The following ZNF808 variants were observed in gnomAD, a reference collection of about 807,000 sequenced individuals.
ZNF808 encodes zinc finger protein 808.
A neutral mutation model predicts 8.7 loss-of-function variants in ZNF808; 5 were observed. The observed-to-expected ratio is 0.58, with a 90% CI of 0.30 to 1.21. The LOEUF is 1.21. ZNF808 is among the 50% of genes most tolerant of loss of function. ZNF808 has a pLI of 0.07. For synonymous variants in ZNF808, 380 were observed against 366.0 expected, an observed-to-expected ratio of 1.04 and a Z score of -0.44; for missense variants, 1,103 against 1,098.4, an observed-to-expected ratio of 1.00 and a Z score of -0.06.
At chr19:52,536,027 T>G (rs1179755964) in intron 2 of ZNF808, 1 of 165,150 alleles carries the variant, frequency 6.1e-6, no homozygotes, top group African/African-American at 2.4e-5. Context: ...TCGCGTGGAG[T>G]GAAGGTCGTA....
chr19:52,534,660 C>A (rs1196317435), intron 2 of ZNF808, among the ~76,000 whole-genome samples: 4 of 120,502 alleles, frequency 3.3e-5, no homozygotes, highest in Admixed American at 1.8e-4. Flanking sequence ...GAGGCCGAGG[C>A]TGGCGGATCA....
downstream of ZNF808, among the ~76,000 whole-genome samples, chr19:52,558,674 C>G (rs1344603308): frequency 1.3e-5 from 2 of 152,122 alleles, no homozygotes; most frequent in East Asian, 3.9e-4. Context: ...CTGGCAGCAT[C>G]TGAACTTTTA....
intron 3 of ZNF808, among the ~76,000 whole-genome samples, 162 bp downstream of exon 3, chr19:52,543,509 T>A (rs1174722262): frequency 1.3e-5 from 2 of 152,176 alleles, no homozygotes; most frequent in Non-Finnish European, 2.9e-5. Context: ...TGCCCTCAGT[T>A]CCTCTCAGGT....
intron 2 of ZNF808, among the ~76,000 whole-genome samples, chr19:52,537,552 A>G (rs1463024116): frequency 6.6e-6 from 1 of 152,104 alleles, no homozygotes; most frequent in Non-Finnish European, 1.5e-5. Context: ...ACGGGGCATG[A>G]TAGTGTGCAG....
intron 4 of ZNF808, among the ~76,000 whole-genome samples, chr19:52,551,896 A>G (rs2059780610): frequency 1.3e-5 from 2 of 152,126 alleles, no homozygotes; most frequent in Non-Finnish European, 1.5e-5. Flanking sequence ...CCAGGTACTC[A>G]GGAGGTTGAG....
chr19:52,534,547 ACT>A (rs1438315020), intron 2 of ZNF808, among the ~76,000 whole-genome samples: 1 of 151,580 alleles, frequency 6.6e-6, no homozygotes, highest in Non-Finnish European at 1.5e-5. Flanking sequence ...TTGGGGGAAG[ACT>A]CTTTGTTTTT....
chr19:52,566,605 C>G (rs560711631), downstream of ZNF808, among the ~76,000 whole-genome samples: 5 of 152,198 alleles, frequency 3.3e-5, no homozygotes, highest in African/African-American at 1.2e-4. Flanking sequence ...TTACTATGTT[C>G]TTGGGGCAGA....
At chr19:52,530,964 G>A (rs1403454721) in intron 1 of ZNF808, among the ~76,000 whole-genome samples, 1 of 152,052 alleles carries the variant, frequency 6.6e-6, no homozygotes. Flanking sequence ...GTGACAGAGT[G>A]AGACTCCGTC....
At chr19:52,539,565 T>TTTTC in intron 2 of ZNF808, among the ~76,000 whole-genome samples, 1 of 143,560 alleles carries the variant, frequency 7.0e-6, no homozygotes, top group African/African-American at 2.6e-5. Flanking sequence ...TTTTTTTTTT[T>TTTTC]TTTTTTTTGA....
In ZNF808 at chr19:52,547,749, T is replaced by C. The variant is rs1275044755; in HGVS notation, c.190+111T>C. On this transcript the variant is annotated intron_variant, in intron 4 of 4. Transcript: ENST00000359798. ...GCCCCATCCATGCTGGTTTTTTTTT[T>C]TTTTTTTTTTGACATGGAGTTTTGC... 11 of 1,523,852 alleles carry C rather than the reference T, an allele frequency of 7.2e-6. No individual in the cohort carries two copies. The East Asian group carries it at 2.3e-4, about 32-fold the overall frequency. 94.4% of individuals were successfully genotyped at this position (1,523,852 alleles called of 1,614,324 possible).
chr19:52,543,519 T>G (rs1455852474), intron 3 of ZNF808, among the ~76,000 whole-genome samples, 172 bp downstream of exon 3: 1 of 152,188 alleles, frequency 6.6e-6, no homozygotes, highest in Admixed American at 6.5e-5. Context: ...TCCTCTCAGG[T>G]GCTCTGAGAT....
intron 2 of ZNF808, chr19:52,535,985 T>C: frequency 6.4e-6 from 1 of 156,890 alleles, no homozygotes; most frequent in Non-Finnish European, 1.4e-5. Flanking sequence ...CAGGCCTGGC[T>C]TCAGTCCTGG....
In ZNF808 at chr19:52,553,584, A is replaced by C; in HGVS notation, c.668A>C (p.Glu223Ala). The stretch of plus-strand genomic sequence containing the variant: ...TCTTCATTACTCCCACAAAAACAGG[A>C]AGTACACATGAGAGAAAAATCTTTC... The part of the protein sequence containing the change: ...LNSSLLPQKQ[E>A]VHMREKSFPC... The change falls in exon 5 of 5, where the codon GAA (glutamate) becomes GCA (alanine). Residue 223 changes from glutamate (E) to alanine (A), a missense_variant. By Grantham distance (107) the Glu-to-Ala change is moderately radical (BLOSUM62 -1). Coordinates refer to ENST00000359798, the MANE Select transcript of ZNF808 (RefSeq NM_001039886.4). 6.2e-7 allele frequency: 1 copy of C among 1,614,186 alleles called. No individual in the cohort carries two copies. The highest frequency in any genetic ancestry group is 8.5e-7 in the Non-Finnish European group (1 of 1,180,036).
chr19:52,557,478 A>G (rs1200365686), downstream of ZNF808, among the ~76,000 whole-genome samples: 1 of 151,864 alleles, frequency 6.6e-6, no homozygotes, highest in Non-Finnish European at 1.5e-5. Flanking sequence ...ATGTGGGCCA[A>G]GCTGGTCTCG....
intron 2 of ZNF808, among the ~76,000 whole-genome samples, chr19:52,535,435 C>T (rs1257626063): frequency 8.6e-5 from 13 of 151,958 alleles, no homozygotes; most frequent in Admixed American, 1.3e-4. Context: ...CCCAGGCTGG[C>T]CTGGACCCCC....
chr19:52,564,940 G>T (rs2059869425), downstream of ZNF808, among the ~76,000 whole-genome samples: 1 of 152,076 alleles, frequency 6.6e-6, no homozygotes. Flanking sequence ...CAAAAAATGA[G>T]CCAGGCGCTG....
At chr19:52,566,235 G>A (rs950843377), downstream of ZNF808, among the ~76,000 whole-genome samples, 7 of 151,800 alleles carry the variant, frequency 4.6e-5, no homozygotes, top group East Asian at 1.9e-4. Flanking sequence ...GTGCGATCTC[G>A]GATCACTGAA....
intron 2 of ZNF808, among the ~76,000 whole-genome samples, chr19:52,536,480 T>A (rs953162655): frequency 6.6e-6 from 1 of 152,028 alleles, no homozygotes; most frequent in African/African-American, 2.4e-5. Flanking sequence ...GTGCCACCCT[T>A]GTCTTAAGGC....
At position 52,554,973 on chromosome 19, in the gene ZNF808, A is replaced by G; in HGVS notation, c.2057A>G (p.Lys686Arg). The G allele has an allele frequency of 6.2e-7, 1 of 1,614,216 alleles. No homozygotes were observed. The highest frequency in any genetic ancestry group is 8.5e-7 in the Non-Finnish European group (1 of 1,180,018). ...EKSYKCKVCD[K>R]AFVCRSYVAK... is the part of the protein sequence containing the mutation. ...TCTTACAAATGTAAGGTTTGTGACA[A>G]GGCTTTCGTGTGTCGTTCCTATGTG... is the stretch of plus-strand genomic sequence containing the variant. The change falls in exon 5 of 5, where the codon AAG (lysine) becomes AGG (arginine). Residue 686 changes from lysine (K) to arginine (R), a missense_variant. Lys to Arg is a conservative substitution (Grantham distance 26). Coordinates refer to ENST00000359798, the MANE Select transcript of ZNF808 (RefSeq NM_001039886.4).
Sources: gnomAD v4.1 joint callset for allele counts (sites outside exome capture counted in the v4.1 genomes callset) on GRCh38, gnomAD v4.1.1 for gene constraint, MANE v1.5 for transcripts, NCBI Gene and HGNC (gene_info 2026-07-23, HGNC 2026-07-21) for gene names.